CCDC85A: variants seen among roughly 807,000 people sequenced by gnomAD.
The protein encoded by CCDC85A is coiled-coil domain-containing protein 85A.
Under a neutral mutation model 50.2 loss-of-function variants are expected in CCDC85A, and 38 were observed. That is an observed-to-expected ratio of 0.76 (90% CI 0.58 to 0.99). CCDC85A has a LOEUF of 0.99. Among genes scored for constraint, CCDC85A ranks in the 50% least tolerant of loss-of-function variants. The pLI is 0.00. For missense variants in CCDC85A, 820 were observed against 742.0 expected, an observed-to-expected ratio of 1.11 and a Z score of -1.22; for synonymous variants, 366 against 301.4, an observed-to-expected ratio of 1.21 and a Z score of -2.22.
intron 3 of CCDC85A, among the ~76,000 whole-genome samples, chr2:56,361,817 G>A (rs1185191900): frequency 6.6e-6 from 1 of 152,190 alleles, no homozygotes; most frequent in Non-Finnish European, 1.5e-5. Flanking sequence ...GGGCAGGGAT[G>A]TGATATCATT....
At chr2:56,314,932 G>T (rs1353293322) in intron 2 of CCDC85A, among the ~76,000 whole-genome samples, 1 of 152,096 alleles carries the variant, frequency 6.6e-6, no homozygotes, top group African/African-American at 2.4e-5. Context: ...AAAGGGTGTG[G>T]ATAGAGACTG....
chr2:56,385,874 A>T lies in CCDC85A; in HGVS notation c.*1519A>T, dbSNP rs1676799900. 2.6e-5 allele frequency: 4 copies of T among 151,836 alleles called. No homozygotes were observed. The highest frequency in any genetic ancestry group is 2.0e-4 in the Admixed American group (3 of 15,176). The allele number at this position is 151,836 out of a possible 1,614,324, so 9.4% of individuals were successfully genotyped here. A position where few individuals can be genotyped will look rare whatever the true frequency, so the allele number is the denominator to read the frequency against. ...AATTTAAGCTCCCCTTTTAAATGTT[A>T]TATTTTAAAATGTTATTACTCTATA... On this transcript the variant is annotated 3_prime_UTR_variant, in exon 6 of 6. Transcript: ENST00000407595.
intron 2 of CCDC85A, among the ~76,000 whole-genome samples, chr2:56,202,839 G>C (rs1386501202): frequency 6.6e-6 from 1 of 152,148 alleles, no homozygotes; most frequent in Non-Finnish European, 1.5e-5. Flanking sequence ...TCCCTAGACA[G>C]CAAATGCCAA....
At chr2:56,304,943 CAAAAAAAA>C (rs202134056) in intron 2 of CCDC85A, among the ~76,000 whole-genome samples, 1 of 132,696 alleles carries the variant, frequency 7.5e-6, no homozygotes, top group African/African-American at 3.1e-5. Flanking sequence ...AACAAAAAAA[CAAAAAAAA>C]AAAAACCTGG....
chr2:56,303,771 G>C (rs1182898968), intron 2 of CCDC85A, among the ~76,000 whole-genome samples: 3 of 152,152 alleles, frequency 2.0e-5, no homozygotes, highest in African/African-American at 7.2e-5. Flanking sequence ...CTTGGTGAAT[G>C]CAAGGATCAA....
At chr2:56,364,289 A>C (rs1321134514) in intron 3 of CCDC85A, among the ~76,000 whole-genome samples, 1 of 152,000 alleles carries the variant, frequency 6.6e-6, no homozygotes, top group South Asian at 2.1e-4. Flanking sequence ...TTTTGTAAAA[A>C]GGCATCCTGC....
intron 2 of CCDC85A, among the ~76,000 whole-genome samples, chr2:56,197,873 C>G (rs1320508583): frequency 6.6e-6 from 1 of 152,174 alleles, no homozygotes; most frequent in Non-Finnish European, 1.5e-5. Flanking sequence ...TATGAGTAGG[C>G]TCATGACTGC....
At chr2:56,239,047 A>G (rs191158361) in intron 2 of CCDC85A, among the ~76,000 whole-genome samples, 202 of 152,276 alleles carry the variant, frequency 1.3e-3, no homozygotes, top group African/African-American at 4.7e-3. Flanking sequence ...AAATAAATGC[A>G]AAGAAGCTTG....
chr2:56,298,041 G>A (rs748450275), intron 2 of CCDC85A, among the ~76,000 whole-genome samples: 1 of 152,152 alleles, frequency 6.6e-6, no homozygotes, highest in Non-Finnish European at 1.5e-5. Flanking sequence ...GATTTATAAG[G>A]TCATGCCCCA....
chr2:56,203,403 A>T (rs903540615), intron 2 of CCDC85A, among the ~76,000 whole-genome samples: 1 of 151,856 alleles, frequency 6.6e-6, no homozygotes, highest in Non-Finnish European at 1.5e-5. Flanking sequence ...ACTTAAATGG[A>T]CATCAAGTTC....
At chr2:56,338,864 C>G (rs1303459802) in intron 2 of CCDC85A, among the ~76,000 whole-genome samples, 1 of 151,964 alleles carries the variant, frequency 6.6e-6, no homozygotes, top group Non-Finnish European at 1.5e-5. Flanking sequence ...CTACTCCACT[C>G]CCATTAAAGG....
chr2:56,363,143 A>AT (rs983406151), intron 3 of CCDC85A, among the ~76,000 whole-genome samples: 1 of 152,202 alleles, frequency 6.6e-6, no homozygotes, highest in Admixed American at 6.5e-5. Flanking sequence ...AGATAAACAT[A>AT]TTTTTAAAAT....
chr2:56,295,818 G>A (rs1363057009), intron 2 of CCDC85A, among the ~76,000 whole-genome samples: 2 of 152,174 alleles, frequency 1.3e-5, no homozygotes, highest in Non-Finnish European at 2.9e-5. Context: ...TATCATAACA[G>A]CTTCTGGCTT....
chr2:56,193,510 C>T, intron 2 of CCDC85A, 70 bp downstream of exon 2: 1 of 1,468,254 alleles, frequency 6.8e-7, no homozygotes, highest in Non-Finnish European at 9.1e-7. Flanking sequence ...TGATGATGGA[C>T]TTTCCAGCCA....
chr2:56,187,077 C>CT (rs1165021285), intron 1 of CCDC85A, among the ~76,000 whole-genome samples: 1 of 152,188 alleles, frequency 6.6e-6, no homozygotes, highest in Non-Finnish European at 1.5e-5. Flanking sequence ...TCTCCCTTCT[C>CT]TTTTTTATTT....
intron 2 of CCDC85A, among the ~76,000 whole-genome samples, chr2:56,242,932 G>A (rs1362105639): frequency 2.0e-5 from 3 of 151,992 alleles, no homozygotes; most frequent in African/African-American, 7.2e-5. Context: ...TTTGATTTTT[G>A]AAAATGGTGA....
intron 2 of CCDC85A, among the ~76,000 whole-genome samples, chr2:56,300,866 C>A (rs922427102): frequency 6.6e-6 from 1 of 152,080 alleles, no homozygotes; most frequent in Non-Finnish European, 1.5e-5. Context: ...CTTGCAAGGT[C>A]GATGAATCTT....
chr2:56,248,921 A>G (rs554828779), intron 2 of CCDC85A, among the ~76,000 whole-genome samples: 3 of 152,324 alleles, frequency 2.0e-5, no homozygotes, highest in African/African-American at 7.2e-5. Context: ...CTTAGCTACC[A>G]TAGTTGTCCT....
chr2:56,325,708 CATT>C (rs1217708265), intron 2 of CCDC85A, among the ~76,000 whole-genome samples: 8 of 152,068 alleles, frequency 5.3e-5, no homozygotes, highest in African/African-American at 1.9e-4. Context: ...GTGTGTGTGT[CATT>C]GTCTTCTGTC....
Sources: allele counts gnomAD v4.1 joint callset (sites outside exome capture counted in the v4.1 genomes callset), GRCh38; gene constraint gnomAD v4.1.1; transcripts MANE v1.5; gene names NCBI Gene and HGNC (gene_info 2026-07-23, HGNC 2026-07-21).